Variants in SERPINA1 observed in about 807,000 individuals in gnomAD.
SERPINA1 encodes the protein serpin family A member 1.
SERPINA1 carries 21 observed loss-of-function variants against 25.4 expected under a neutral mutation model. The ratio of observed to expected loss-of-function variants is 0.83; its 90% CI spans 0.59 to 1.19. The LOEUF (loss-of-function observed/expected upper bound fraction) is 1.19, where lower values mean the gene tolerates loss of function less well. SERPINA1 is among the 50% of genes most tolerant of loss of function. The pLI is 0.00. For synonymous variants in SERPINA1, 218 were observed against 211.1 expected (o/e 1.03, Z -0.29); for missense variants, 546 against 509.0 (o/e 1.07, Z -0.70).
At chr14:94,386,753 C>T (rs1198871154) in intron 1 of SERPINA1, among the ~76,000 whole-genome samples, 1 of 152,150 alleles carries the variant, frequency 6.6e-6, no homozygotes, top group African/African-American at 2.4e-5. Flanking sequence ...CTGAGTTTGG[C>T]AAATTTTCCA....
rs1897054284 is a variant in SERPINA1 at position 94,383,004 on chromosome 14, T to C, written c.234A>G (p.Pro78=). 6.2e-7 allele frequency: 1 copy of C among 1,609,890 alleles called. No individual in the cohort carries two copies. Among genetic ancestry groups the C allele is most frequent in the African/African-American group, 1.3e-5 (1 of 74,868 alleles). Residue 78 remains proline (P), a synonymous_variant, in exon 2 of 5, where the codon CCA becomes CCG. Transcript: ENST00000393087. ...TTGCAAAGGCTGTAGCGATGCTCACTGGGGAGAAGAAGATATTGGTGCTGT... is the reference window on the plus strand; with the variant it reads ...TTGCAAAGGCTGTAGCGATGCTCACCGGGGAGAAGAAGATATTGGTGCTGT... ...QSNSTNIFFS[P]VSIATAFAML...
chr14:94,384,658 A>G (rs1414079368), intron 1 of SERPINA1, among the ~76,000 whole-genome samples: 1 of 152,208 alleles, frequency 6.6e-6, no homozygotes, highest in Non-Finnish European at 1.5e-5. Flanking sequence ...CTGAGGTCCT[A>G]GCTGAGGAGA....
At position 94,378,550 on chromosome 14, in the gene SERPINA1, G is replaced by T. The variant is rs12233; in HGVS notation, c.1156C>A (p.Pro386Thr). 52 of 1,614,024 alleles carry T rather than the reference G, an allele frequency of 3.2e-5. No individual in the cohort carries two copies. Among genetic ancestry groups the T allele is most frequent in the South Asian group, 2.0e-4 (18 of 91,076 alleles). ...FLEAIPMSIP[P>T]EVKFNKPFVF... The stretch of plus-strand genomic sequence containing the variant: ...AAGGGTTTGTTGAACTTGACCTCGG[G>T]GGGGATAGACATGGGTATGGCCTCT... Residue 386 changes from proline to threonine, a missense_variant, in exon 5 of 5, where the codon CCC (proline) becomes ACC (threonine). Transcript: ENST00000393087.
rs199422209 is a variant in SERPINA1 at position 94,378,528 on chromosome 14, G to T, written c.1178C>A (p.Pro393His). Reference protein sequence around the residue: ...SIPPEVKFNKPFVFLMIEQNT... With the variant: ...SIPPEVKFNKHFVFLMIEQNT... ...TTGTTCAATCATTAAGAAGACAAAG[G>T]GTTTGTTGAACTTGACCTCGGGGGG... Residue 393 changes from proline to histidine, a missense_variant, in exon 5 of 5, where the codon CCC (proline) becomes CAC (histidine). Physicochemically the swap from Pro to His is moderately conservative, Grantham distance 77 (BLOSUM62 -2). Transcript: ENST00000393087. 1.5e-5 allele frequency: 24 copies of T among 1,614,090 alleles called. No homozygotes were observed. The South Asian group carries it at 2.4e-4, about 16-fold the overall frequency.
At chr14:94,385,659 A>G (rs1412102388) in intron 1 of SERPINA1, among the ~76,000 whole-genome samples, 2 of 152,200 alleles carry the variant, frequency 1.3e-5, no homozygotes. Context: ...TCTGGGTTCA[A>G]TGTAGCAAAA....
rs753776140 is a variant in SERPINA1, at chr14:94,378,186, G to A, written c.*263C>T. The A allele has an allele frequency of 1.3e-4, 75 of 556,582 alleles. No individual in the cohort carries two copies. The highest frequency in any genetic ancestry group is 4.8e-4 in the Middle Eastern group (1 of 2,092). The allele number at this position is 556,582 out of a possible 1,614,324, so 34.5% of individuals were successfully genotyped here. ...TCCAGAAACAGATGGGCCCAGGTCC[G>A]TAAGCTGAGGATTCAGTCCCCCCTG... is the stretch of plus-strand genomic sequence containing the variant. On this transcript the variant is annotated 3_prime_UTR_variant, in exon 5 of 5. Coordinates refer to ENST00000393087, the MANE Select transcript of SERPINA1 (RefSeq NM_000295.5).
In SERPINA1 at chr14:94,383,241, C is replaced by T. The variant is rs374417614; in HGVS notation, c.-4G>A. ...CCCACGAGACAGAAGACGGCATTGT[C>T]CTGCAAGACAGAGATGGGGGGGCCA... On this transcript the variant is annotated splice_region_variant and 5_prime_UTR_variant, in exon 2 of 5. Transcript: ENST00000393087. 2.5e-5 allele frequency: 41 copies of T among 1,609,834 alleles called. No homozygotes were observed. In the African/African-American group the frequency reaches 5.1e-4, roughly 20 times the overall value.
intron 1 of SERPINA1, among the ~76,000 whole-genome samples, chr14:94,384,430 G>A (rs1264779628): frequency 1.3e-5 from 2 of 152,208 alleles, no homozygotes; most frequent in Non-Finnish European, 2.9e-5. Flanking sequence ...AGGAATACAT[G>A]TTTCATACCC....
chr14:94,390,240 C>A (rs2139736247), upstream of SERPINA1, among the ~76,000 whole-genome samples: 1 of 152,336 alleles, frequency 6.6e-6, no homozygotes, highest in East Asian at 1.9e-4. Context: ...GGGCCCCTGT[C>A]CTTCCCCTGA....
chr14:94,380,369 A>G (rs1386010217), intron 3 of SERPINA1, among the ~76,000 whole-genome samples: 1 of 152,260 alleles, frequency 6.6e-6, no homozygotes, highest in Non-Finnish European at 1.5e-5. Context: ...GCACCGATAA[A>G]GTGACAGAGA....
In SERPINA1 at chr14:94,383,146, G is replaced by T; in HGVS notation, c.92C>A (p.Ala31Asp). The change falls in exon 2 of 5, where the codon GCT (alanine) becomes GAT (aspartate). Residue 31 changes from alanine to aspartate, a missense_variant. Physicochemically the swap from Ala to Asp is moderately radical, Grantham distance 126. Transcript: ENST00000393087. ...VSLAEDPQGD[A>D]AQKTDTSHHD... ...GTGGGATGTATCTGTCTTCTGGGCA[G>T]CATCTCCCTGGGGATCCTCAGCCAG... The T allele has an allele frequency of 6.2e-7, 1 of 1,614,232 alleles. No homozygotes were observed. The highest frequency in any genetic ancestry group is 8.5e-7 in the Non-Finnish European group (1 of 1,180,044).
chr14:94,382,380 T>C (rs1422316590), intron 2 of SERPINA1, among the ~76,000 whole-genome samples: 1 of 152,260 alleles, frequency 6.6e-6, no homozygotes, highest in Non-Finnish European at 1.5e-5. Flanking sequence ...TGCAGAGCTG[T>C]CAGTAGTTTT....
upstream of SERPINA1, chr14:94,389,156 G>A (rs931514623): frequency 2.6e-5 from 4 of 152,394 alleles, no homozygotes; most frequent in Non-Finnish European, 5.9e-5. Context: ...GCATGACTGA[G>A]GCAGACACAA....
Position 94,377,057 on chromosome 14 carries a change from G to A in SERPINA1, c.*1392C>T, listed in dbSNP as rs1266887639. The stretch of plus-strand genomic sequence containing the variant: ...GAACAGGAGACTTGTGTGGGAAACA[G>A]TCGGTATCCATTGATTAGACTGAAT... On this transcript the variant is annotated 3_prime_UTR_variant, in exon 5 of 5. Transcript: ENST00000393087. The A allele has an allele frequency of 6.6e-6, 1 of 152,236 alleles. No homozygotes were observed. The highest frequency in any genetic ancestry group is 6.5e-5 in the Admixed American group (1 of 15,288). The allele number at this position is 152,236 out of a possible 1,614,324, so 9.4% of individuals were successfully genotyped here.
chr14:94,387,513 CG>C (rs1483119907), intron 1 of SERPINA1, among the ~76,000 whole-genome samples: 8 of 152,026 alleles, frequency 5.3e-5, no homozygotes, highest in Non-Finnish European at 1.0e-4. Flanking sequence ...AGATCAAGGT[CG>C]GGTGGGGTGA....
At chr14:94,379,272 C>T (rs976927975) in intron 4 of SERPINA1, 192 bp downstream of exon 4, 2 of 788,206 alleles carry the variant, frequency 2.5e-6, no homozygotes, top group African/African-American at 1.7e-5. Context: ...GCCAGCTGCA[C>T]AGCAGTCCCC....
At chr14:94,388,778 T>C (rs55967149), upstream of SERPINA1, 6,008 of 152,386 alleles carry the variant, frequency 0.039, 160 homozygotes, top group Middle Eastern at 0.061. Flanking sequence ...GCCTGGGCAG[T>C]GTACAGCTTC....
At position 94,384,940 on chromosome 14, in the gene SERPINA1, A is replaced by G. The variant is rs552855815; in HGVS notation, c.-4-1699T>C. 4.1e-4 allele frequency among the ~76,000 whole-genome samples: 63 copies of G among 152,354 alleles called. No individual in the cohort carries two copies. The South Asian group carries it at 4.6e-3, about 11-fold the overall frequency. On this transcript the variant is annotated intron_variant, in intron 1 of 4. Coordinates refer to ENST00000393087, the MANE Select transcript of SERPINA1 (RefSeq NM_000295.5). ...GTAATCCAAATGGAACAGACCACAC[A>G]TTACATAATACATGTTTGTATTTTT...
chr14:94,379,297 G>T (rs1896659302), intron 4 of SERPINA1, 167 bp downstream of exon 4: 3 of 1,032,280 alleles, frequency 2.9e-6, no homozygotes, highest in Admixed American at 3.8e-5. Context: ...TGGCTTTGCT[G>T]TTTGACCACG....
Sources: gnomAD v4.1 joint callset for allele counts (sites outside exome capture counted in the v4.1 genomes callset) on GRCh38, gnomAD v4.1.1 for gene constraint, MANE v1.5 for transcripts, NCBI Gene and HGNC (gene_info 2026-07-23, HGNC 2026-07-21) for gene names.